The following SETD1A variants were observed in gnomAD, a reference collection of about 807,000 sequenced individuals.
SETD1A encodes the protein histone-lysine N-methyltransferase SETD1A.
SETD1A carries 29 observed loss-of-function variants against 149.9 expected under a neutral mutation model. That is an observed-to-expected ratio of 0.19 (90% CI 0.14 to 0.26). The LOEUF (loss-of-function observed/expected upper bound fraction) is 0.26. Ranked by LOEUF, SETD1A falls within the 10% of genes least tolerant of loss-of-function variation. The pLI is 1.00. For synonymous variants in SETD1A, 1,141 were observed against 968.5 expected (o/e 1.18, Z -3.31); for missense variants, 2,109 against 2,353.1 (o/e 0.90, Z 2.15).
Position 30,965,070 on chromosome 16 carries a change from G to T in SETD1A, c.1328G>T (p.Gly443Val). 4 of 1,611,574 alleles carry T rather than the reference G, an allele frequency of 2.5e-6. No individual in the cohort carries two copies. Among genetic ancestry groups the T allele is most frequent in the Non-Finnish European group, 3.4e-6 (4 of 1,179,560 alleles). ...PPPEPPEPGG[G>V]GGGGGPSPER... ...CCGGAGCCTCCAGAACCTGGTGGAG[G>T]CGGGGGTGGAGGAGGGCCCAGCCCT... The change falls in exon 7 of 19, where the codon GGC becomes GTC. Residue 443 changes from glycine to valine, a missense_variant. Transcript: ENST00000262519.
At chr16:30,960,398 G>A (rs181492227) in intron 3 of SETD1A, among the ~76,000 whole-genome samples, 46 of 152,302 alleles carry the variant, frequency 3.0e-4, no homozygotes, top group Non-Finnish European at 5.9e-5. Flanking sequence ...TGTTCCAGGG[G>A]TCCTTGTCAT....
At position 30,957,796 on chromosome 16, in the gene SETD1A, C is replaced by G. The variant is rs1313694068; in HGVS notation, c.-184C>G. 6.6e-6 allele frequency: 1 copy of G among 152,212 alleles called. No individual in the cohort carries two copies. The highest frequency in any genetic ancestry group is 2.4e-5 in the African/African-American group (1 of 41,458). 9.4% of individuals were successfully genotyped at this position (152,212 alleles called of 1,614,324 possible). The stretch of plus-strand genomic sequence containing the variant: ...CAGCATCTAGATCGTCGTGGCGAAG[C>G]CGACTCTCCGGGGGATGCGGCCAAT... On this transcript the variant is annotated 5_prime_UTR_variant, in exon 1 of 19. Transcript: ENST00000262519.
chr16:30,967,149 T>C, intron 9 of SETD1A, 89 bp downstream of exon 9: 1 of 1,006,730 alleles, frequency 9.9e-7, no homozygotes, highest in Non-Finnish European at 1.4e-6. Context: ...GAACCATGAG[T>C]GTTTGAGTTT....
At chr16:30,963,952 A>G (rs902480712) in intron 5 of SETD1A, 142 bp from the exon 6 acceptor site, 4 of 691,618 alleles carry the variant, frequency 5.8e-6, no homozygotes, top group African/African-American at 5.4e-5. Context: ...AGATCACGCC[A>G]CTGGACTCCA....
Position 30,964,845 on chromosome 16 carries a change from C to A in SETD1A, c.1103C>A (p.Ala368Glu), listed in dbSNP as rs752178881. Residue 368 changes from alanine (A) to glutamate (E), a missense_variant, in exon 7 of 19, where the codon GCG becomes GAG. This residue lies in a region of SETD1A where 410 missense variants were observed against 394.8 expected (regional missense o/e 1.04). Coordinates refer to ENST00000262519, the MANE Select transcript of SETD1A (RefSeq NM_014712.3). ...QFRSSDANYP[A>E]YYESWNRYQR... Reference sequence around the variant, plus strand: ...CGTAGTTCTGATGCAAACTACCCAGCGTATTATGAAAGCTGGAATCGCTAC... The same window carrying A: ...CGTAGTTCTGATGCAAACTACCCAGAGTATTATGAAAGCTGGAATCGCTAC... The A allele has an allele frequency of 1.2e-6, 2 of 1,614,188 alleles. No homozygotes were observed. Among genetic ancestry groups the A allele is most frequent in the Non-Finnish European group, 1.7e-6 (2 of 1,180,034 alleles).
chr16:30,958,635 A>C, intron 1 of SETD1A, 82 bp from the exon 2 acceptor site: 2 of 1,235,452 alleles, frequency 1.6e-6, no homozygotes, highest in Non-Finnish European at 2.3e-6. Context: ...AGAACCTGGA[A>C]TCGGGGCTAG....
intron 3 of SETD1A, among the ~76,000 whole-genome samples, chr16:30,960,944 T>A (rs982447250): frequency 6.6e-6 from 1 of 151,890 alleles, no homozygotes. Flanking sequence ...GGTTTTATCA[T>A]GTTGGACAGG....
chr16:30,972,938 C>T (rs1014673191), intron 13 of SETD1A, among the ~76,000 whole-genome samples: 6 of 152,094 alleles, frequency 3.9e-5, no homozygotes, highest in Admixed American at 2.0e-4. Context: ...GGCAGCCAGC[C>T]GGAGCACATC....
rs1274656641 is a variant in SETD1A at position 30,961,692 on chromosome 16, A to G, written c.517+155A>G. ...TCAGATCAGATTTTAGAGTGGAATT[A>G]TGGTACATGGATTTTTGTGTGTGTG... On this transcript the variant is annotated intron_variant, in intron 4 of 18. Transcript: ENST00000262519. This position sits in a 1 kb window ranked among gnomAD's most constrained non-coding sequence, Gnocchi z 4.0. 6.6e-6 allele frequency among the ~76,000 whole-genome samples: 1 copy of G among 151,922 alleles called. No homozygotes were observed. Among genetic ancestry groups the G allele is most frequent in the Non-Finnish European group, 1.5e-5 (1 of 67,970 alleles).
intron 13 of SETD1A, among the ~76,000 whole-genome samples, chr16:30,972,481 A>G (rs1461770520): frequency 2.0e-5 from 3 of 151,940 alleles, no homozygotes; most frequent in Non-Finnish European, 4.4e-5. Context: ...ACTAAAAAAT[A>G]CAAAAAATTA....
chr16:30,979,919 ACAGCAG>A lies in SETD1A; in HGVS notation c.4144_4149del (p.Ser1382_Ser1383del). 3 of 1,534,002 alleles carry A rather than the reference ACAGCAG, an allele frequency of 2.0e-6. No individual in the cohort carries two copies. The highest frequency in any genetic ancestry group is 2.6e-6 in the Non-Finnish European group (3 of 1,145,530). On this transcript the variant is annotated inframe_deletion, in exon 14 of 19. Transcript: ENST00000262519. ...GAGGAAGAGGAGGAGGAGTCCTCTG[ACAGCAG>A]CAGCAGCAGCGATGGGGAGGGCGCC...
intron 13 of SETD1A, among the ~76,000 whole-genome samples, chr16:30,977,301 G>A (rs1234634247): frequency 6.6e-6 from 1 of 152,180 alleles, no homozygotes; most frequent in African/African-American, 2.4e-5. Context: ...CTTAGTGATT[G>A]CCGCCTGGGG....
rs770332103 is a variant in SETD1A at position 30,980,208 on chromosome 16, G to A, written c.4408+14G>A. The A allele has an allele frequency of 1.3e-6, 2 of 1,584,150 alleles. No homozygotes were observed. Among genetic ancestry groups the A allele is most frequent in the Admixed American group, 1.7e-5 (1 of 57,162 alleles). On this transcript the variant is annotated intron_variant, in intron 14 of 18. Transcript: ENST00000262519. The surrounding 1 kb of genome is among the most constrained non-coding windows in gnomAD (Gnocchi z 7.7). ...TCCATCACACAAATATCCTGAGTGT[G>A]GGCGGCCTTCCCCGGGCTTGGGTCC...
At position 30,980,701 on chromosome 16, in the gene SETD1A, C is replaced by T. The variant is rs1406227234; in HGVS notation, c.4582-38C>T. 33 of 1,611,088 alleles carry T rather than the reference C, an allele frequency of 2.0e-5. No homozygotes were observed. Among genetic ancestry groups the T allele is most frequent in the Non-Finnish European group, 2.8e-5 (33 of 1,179,090 alleles). ...CCGCGTCCTCCTGCCACTCACTTCC[C>T]TGCCCTGCTCACCTCCTCCCTGCCG... On this transcript the variant is annotated intron_variant, in intron 15 of 18. Coordinates refer to ENST00000262519, the MANE Select transcript of SETD1A (RefSeq NM_014712.3). The surrounding 1 kb of genome is among the most constrained non-coding windows in gnomAD (Gnocchi z 7.7).
rs372089579 is a variant in SETD1A at position 30,967,481 on chromosome 16, A to G, written c.2683-20A>G. ...AGTGTTTGAGCTCTAAACAGGCCCC[A>G]TCTTTTCCCCATCCCCCAGGTAAAG... On this transcript the variant is annotated intron_variant, in intron 9 of 18. Transcript: ENST00000262519. The G allele has an allele frequency of 4.2e-5, 67 of 1,612,518 alleles. No individual in the cohort carries two copies. The highest frequency in any genetic ancestry group is 5.5e-5 in the Non-Finnish European group (65 of 1,178,720).
At chr16:30,973,147 G>T (rs1307443828) in intron 13 of SETD1A, among the ~76,000 whole-genome samples, 1 of 152,172 alleles carries the variant, frequency 6.6e-6, no homozygotes, top group Non-Finnish European at 1.5e-5. Context: ...GTGAGTGAGA[G>T]TTGGGCCCAG....
rs1289635520 is a variant in SETD1A, at chr16:30,964,186, C to A, written c.732C>A (p.Ser244=). 1.2e-6 allele frequency: 2 copies of A among 1,613,990 alleles called. No homozygotes were observed. Among genetic ancestry groups the A allele is most frequent in the Non-Finnish European group, 1.7e-6 (2 of 1,180,002 alleles). Residue 244 remains serine, a synonymous_variant, in exon 6 of 19, where the codon TCC becomes TCA. Coordinates refer to ENST00000262519, the MANE Select transcript of SETD1A (RefSeq NM_014712.3). ...VGTPGNGTPC[S]QDTSFSSSRQ... ...CTCCTGGCAACGGCACCCCCTGCTC[C>A]CAGGACACAAGCTTCTCCAGCAGCC...
intron 12 of SETD1A, among the ~76,000 whole-genome samples, chr16:30,970,997 G>A (rs1359816096): frequency 1.3e-5 from 2 of 152,126 alleles, no homozygotes; most frequent in African/African-American, 4.8e-5. Flanking sequence ...ACTGGGTCCT[G>A]AGACCCACTT....
At chr16:30,969,736 C>A in intron 12 of SETD1A, 47 bp downstream of exon 12, 1 of 1,484,658 alleles carries the variant, frequency 6.7e-7, no homozygotes, top group South Asian at 1.1e-5. Flanking sequence ...AGGAGGGGTT[C>A]GGCTGCCTGG....
Sources: gnomAD v4.1 joint callset for allele counts (sites outside exome capture counted in the v4.1 genomes callset) on GRCh38, gnomAD v4.1.1 for gene constraint, gnomAD v4.1.1 regional missense constraint, Gnocchi (gnomAD v3.1) non-coding constraint, MANE v1.5 for transcripts, NCBI Gene and HGNC (gene_info 2026-07-23, HGNC 2026-07-21) for gene names.